ZNF577: variants seen among roughly 807,000 people sequenced by gnomAD.
ZNF577 encodes zinc finger protein 577.
In ZNF577, 14 loss-of-function variants were observed where a neutral mutation model predicts 13.9. The ratio of observed to expected loss-of-function variants is 1.00; its 90% confidence interval spans 0.66 to 1.57. ZNF577 has a LOEUF of 1.57. Among genes scored for constraint, ZNF577 ranks in the 40% most tolerant of loss-of-function variants. ZNF577 has a pLI of 0.00. For missense variants in ZNF577, 555 were observed against 579.2 expected, an observed-to-expected ratio of 0.96 and a Z score of 0.43; for synonymous variants, 203 against 202.9, an observed-to-expected ratio of 1.00 and a Z score of 0.00.
chr19:51,873,915 C>T (rs1355583612), intron 5 of ZNF577, among the ~76,000 whole-genome samples: 1 of 152,168 alleles, frequency 6.6e-6, no homozygotes, highest in Admixed American at 6.6e-5. Flanking sequence ...ACAATATGAA[C>T]ATCCATGATA....
In ZNF577 at chr19:51,867,511, A is replaced by G. The variant is rs2084583523; in HGVS notation, c.*5021T>C. 6.6e-6 allele frequency among the ~76,000 whole-genome samples: 1 copy of G among 151,958 alleles called. No individual in the cohort carries two copies. The highest frequency in any genetic ancestry group is 2.1e-4 in the South Asian group (1 of 4,812). ...CAAAGCTGGCCAGGCGCGGTGGCTC[A>G]CACCTGTAATCCCAGCACTTTGGGA... On this transcript the variant is annotated 3_prime_UTR_variant, in exon 6 of 6. Coordinates refer to ENST00000638348, the MANE Select transcript of ZNF577 (RefSeq NM_001370449.1).
intron 9 of ZNF577, among the ~76,000 whole-genome samples, chr19:51,821,663 T>C (rs900741419): frequency 6.6e-6 from 1 of 152,080 alleles, no homozygotes; most frequent in East Asian, 1.9e-4. Context: ...GCTGGAAATA[T>C]CTGGGGAACT....
At chr19:51,858,446 C>A (rs2084461515) in intron 5 of ZNF577, among the ~76,000 whole-genome samples, 1 of 152,154 alleles carries the variant, frequency 6.6e-6, no homozygotes, top group African/African-American at 2.4e-5. Context: ...CAAACACACA[C>A]AGAAAAATGT....
At chr19:51,879,144 C>T (rs146228672) in intron 3 of ZNF577, among the ~76,000 whole-genome samples, 7,060 of 151,706 alleles carry the variant, frequency 0.047, 455 homozygotes, top group African/African-American at 0.15. Flanking sequence ...GTAGTCCCAG[C>T]GACTTGGGAG....
rs1047935181 is a variant in ZNF577, at chr19:51,878,333, G to A, written c.187+56C>T. 2.0e-5 allele frequency: 31 copies of A among 1,582,308 alleles called. 1 individual carries two copies. The highest frequency in any genetic ancestry group is 7.9e-5 in the South Asian group (7 of 88,270). On this transcript the variant is annotated intron_variant, in intron 4 of 5. Coordinates refer to ENST00000638348, the MANE Select transcript of ZNF577 (RefSeq NM_001370449.1). ...TAAACCATTAAATATTTATGGGACC[G>A]TACAGTGGTCACCAAATAAGAAAGA... is the stretch of plus-strand genomic sequence containing the variant.
intron 5 of ZNF577, among the ~76,000 whole-genome samples, chr19:51,853,456 A>AT (rs1250305422): frequency 4.6e-5 from 7 of 151,908 alleles, no homozygotes; most frequent in Non-Finnish European, 1.0e-4. Flanking sequence ...AAGATTTAAC[A>AT]TTTTTTCTCT....
intron 9 of ZNF577, among the ~76,000 whole-genome samples, chr19:51,835,877 G>C (rs1266305946): frequency 6.6e-6 from 1 of 152,172 alleles, no homozygotes; most frequent in Non-Finnish European, 1.5e-5. Flanking sequence ...ATTTTTAGTA[G>C]AGATGGGGTT....
chr19:51,878,669 G>T, intron 3 of ZNF577, 154 bp from the exon 4 acceptor site: 1 of 876,056 alleles, frequency 1.1e-6, no homozygotes, highest in Non-Finnish European at 1.7e-6. Context: ...CACCAATTCT[G>T]CCTACCCTAA....
At chr19:51,874,522 C>T (rs887324579) in intron 5 of ZNF577, among the ~76,000 whole-genome samples, 1 of 151,722 alleles carries the variant, frequency 6.6e-6, no homozygotes, top group Non-Finnish European at 1.5e-5. Context: ...CTGGTTTACC[C>T]GGAATATCCT....
intron 9 of ZNF577, among the ~76,000 whole-genome samples, chr19:51,812,179 T>A (rs2084101919): frequency 6.6e-6 from 1 of 152,202 alleles, no homozygotes; most frequent in African/African-American, 2.4e-5. Context: ...ACTTAGAGAT[T>A]GGCTTGATAA....
intron 9 of ZNF577, among the ~76,000 whole-genome samples, chr19:51,833,636 A>C (rs1490458642): frequency 1.3e-5 from 2 of 152,186 alleles, no homozygotes; most frequent in Non-Finnish European, 2.9e-5. Context: ...TTGGCACTTA[A>C]TCTACTGAGA....
At chr19:51,837,733 A>C (rs893969560) in intron 9 of ZNF577, among the ~76,000 whole-genome samples, 1 of 152,150 alleles carries the variant, frequency 6.6e-6, no homozygotes, top group Non-Finnish European at 1.5e-5. Context: ...CAATAATTGC[A>C]AAGGGGCACA....
At chr19:51,874,854 GAA>G (rs560553603) in intron 5 of ZNF577, among the ~76,000 whole-genome samples, 12 of 152,112 alleles carry the variant, frequency 7.9e-5, no homozygotes, top group Non-Finnish European at 1.5e-4. Flanking sequence ...TATGGAGGAG[GAA>G]AAGATAGGAT....
chr19:51,841,816 G>A lies in ZNF577; in HGVS notation c.*374+1005C>T, dbSNP rs138021056. Among the ~76,000 whole-genome samples, 415 of 152,248 alleles carry A rather than the reference G, an allele frequency of 2.7e-3. 3 individuals are homozygous for A. The highest frequency in any genetic ancestry group is 0.014 in the Middle Eastern group (4 of 294). On this transcript the variant is annotated intron_variant and NMD_transcript_variant, in intron 8 of 10. Transcript: ENST00000638827. ...CACCTGTAATCCCACCTACTTGGGA[G>A]GCTGAGGCAGGAGAATCAGTTGAAT...
rs71900163 is a variant in ZNF577 at position 51,874,487 on chromosome 19, T to TAAAAA, written c.284-786_284-782dup. On this transcript the variant is annotated intron_variant, in intron 5 of 5. Coordinates refer to ENST00000638348, the MANE Select transcript of ZNF577 (RefSeq NM_001370449.1). ...AGAGGCAGAAAAAACTTAGGTGTGATAAAAAAAAAAAAATGTAAGAGAAGC... is the reference window on the plus strand; with the variant it reads ...AGAGGCAGAAAAAACTTAGGTGTGATAAAAAAAAAAAAAAAAAATGTAAGAGAAGC... 3.0e-3 allele frequency among the ~76,000 whole-genome samples: 427 copies of TAAAAA among 144,224 alleles called. 1 individual carries two copies. Among genetic ancestry groups the TAAAAA allele is most frequent in the African/African-American group, 0.01 (397 of 39,664 alleles). The allele number at this position is 144,224 out of a possible 152,430, so 94.6% of individuals were successfully genotyped here.
chr19:51,827,723 G>A (rs1293354277), intron 9 of ZNF577, among the ~76,000 whole-genome samples: 2 of 152,090 alleles, frequency 1.3e-5, no homozygotes, highest in Non-Finnish European at 2.9e-5. Context: ...GTTAACCATT[G>A]CCTAAAGACT....
At chr19:51,842,889 G>C (rs927211369) in exon 8 of ZNF577, 2 of 152,160 alleles carry the variant, frequency 1.3e-5, no homozygotes, top group Admixed American at 6.5e-5. Flanking sequence ...CTGGAATATT[G>C]CTTCTGGCTT....
Position 51,872,321 on chromosome 19 carries a change from T to C in ZNF577, c.*211A>G, listed in dbSNP as rs1599868142. 2.1e-6 allele frequency: 1 copy of C among 474,084 alleles called. No homozygotes were observed. Among genetic ancestry groups the C allele is most frequent in the East Asian group, 3.4e-5 (1 of 29,074 alleles). 29.4% of individuals were successfully genotyped at this position (474,084 alleles called of 1,614,324 possible). A position where few individuals can be genotyped will look rare whatever the true frequency, so the allele number is the denominator to read the frequency against. ...CCTGTAAGAATTCTTTTGATACCAA[T>C]TGAGATATCATCTCCAGGTAAAGAC... On this transcript the variant is annotated 3_prime_UTR_variant, in exon 6 of 6. Transcript: ENST00000638348.
intron 9 of ZNF577, among the ~76,000 whole-genome samples, chr19:51,818,733 T>C (rs1368642476): frequency 1.3e-5 from 2 of 151,672 alleles, no homozygotes; most frequent in Non-Finnish European, 2.9e-5. Flanking sequence ...AATCAAGGAG[T>C]CCACCATGGG....
Sources: allele counts gnomAD v4.1 joint callset (sites outside exome capture counted in the v4.1 genomes callset), GRCh38; gene constraint gnomAD v4.1.1; transcripts MANE v1.5; gene names NCBI Gene and HGNC (gene_info 2026-07-23, HGNC 2026-07-21).